Variants in EXOC5 observed in about 807,000 individuals in gnomAD.
EXOC5 encodes exocyst complex component 5, also known as SEC10-like 1.
EXOC5 carries 17 observed loss-of-function variants against 90.8 expected under a neutral mutation model. The observed-to-expected ratio is 0.19, with a 90% CI of 0.13 to 0.28. The LOEUF is 0.28. Among genes scored for constraint, EXOC5 ranks in the 10% least tolerant of loss-of-function variants. The pLI is 1.00. For missense variants in EXOC5, 569 were observed against 830.6 expected (o/e 0.69, Z 3.87); for synonymous variants, 260 against 270.0 (o/e 0.96, Z 0.36).
intron 1 of EXOC5, among the ~76,000 whole-genome samples, chr14:57,260,734 T>C (rs762358456): frequency 6.6e-6 from 1 of 152,194 alleles, no homozygotes; most frequent in Non-Finnish European, 1.5e-5. Context: ...CATCTCATTT[T>C]TATAAATAAA....
At chr14:57,237,483 TC>T (rs1566498530) in intron 5 of EXOC5, 117 bp from the exon 6 acceptor site, 2 of 594,158 alleles carry the variant, frequency 3.4e-6, no homozygotes, top group African/African-American at 3.9e-5. Context: ...ATCTGTACTA[TC>T]TTTGCAACTT....
chr14:57,201,901 G>A lies in EXOC5; in HGVS notation c.*6708C>T, dbSNP rs980277012. 1.3e-5 allele frequency: 2 copies of A among 151,678 alleles called. No individual in the cohort carries two copies. The highest frequency in any genetic ancestry group is 2.9e-5 in the Non-Finnish European group (2 of 67,932). The allele number at this position is 151,678 out of a possible 1,614,324, so 9.4% of individuals were successfully genotyped here. A position where few individuals can be genotyped will look rare whatever the true frequency, so the allele number is the denominator to read the frequency against. On this transcript the variant is annotated 3_prime_UTR_variant, in exon 18 of 18. Coordinates refer to ENST00000621441, the MANE Select transcript of EXOC5 (RefSeq NM_006544.4). The stretch of plus-strand genomic sequence containing the variant: ...CTCTGTCTGCAAATAAATAAATAAG[G>A]GGGACCTATATATGTCTGTATCTAT...
chr14:57,264,560 C>T (rs1022139961), intron 1 of EXOC5, among the ~76,000 whole-genome samples: 4 of 152,092 alleles, frequency 2.6e-5, no homozygotes, highest in African/African-American at 9.7e-5. Context: ...AATTAAACCC[C>T]GATTTACCTT....
chr14:57,243,047 G>T (rs1883919397), intron 4 of EXOC5, among the ~76,000 whole-genome samples: 1 of 152,198 alleles, frequency 6.6e-6, no homozygotes, highest in African/African-American at 2.4e-5. Context: ...GCTAAGCTAT[G>T]AGGACACAAA....
At chr14:57,263,835 TA>T (rs754451441) in intron 1 of EXOC5, among the ~76,000 whole-genome samples, 1 of 149,368 alleles carries the variant, frequency 6.7e-6, no homozygotes, top group South Asian at 2.1e-4. Flanking sequence ...ATTCTTAAAA[TA>T]TGCACATACA....
intron 13 of EXOC5, among the ~76,000 whole-genome samples, chr14:57,221,828 T>C (rs189852112): frequency 2.1e-4 from 32 of 152,272 alleles, no homozygotes; most frequent in Non-Finnish European, 4.3e-4. Flanking sequence ...ACAGGTGAAG[T>C]AGACAACTGA....
chr14:57,253,639 T>C (rs975898844), intron 1 of EXOC5, among the ~76,000 whole-genome samples: 1 of 152,110 alleles, frequency 6.6e-6, no homozygotes, highest in African/African-American at 2.4e-5. Flanking sequence ...AGACAGTATA[T>C]GGTACTGGCA....
At position 57,235,741 on chromosome 14, in the gene EXOC5, T is replaced by C. The variant is rs1165338843; in HGVS notation, c.639A>G (p.Arg213=). ...AQRRGEISRM[R]EVAAVLLHFK... ...AATGAAGTAAAACTGCTGCTACTTCTCTCATTCTGGAGATTTCACCTCTTC... is the reference window on the plus strand; with the variant it reads ...AATGAAGTAAAACTGCTGCTACTTCCCTCATTCTGGAGATTTCACCTCTTC... Residue 213 remains arginine, a synonymous_variant, in exon 7 of 18, where the codon AGA becomes AGG. Coordinates refer to ENST00000621441, the MANE Select transcript of EXOC5 (RefSeq NM_006544.4). 6.5e-7 allele frequency: 1 copy of C among 1,549,634 alleles called. No homozygotes were observed. The highest frequency in any genetic ancestry group is 8.8e-7 in the Non-Finnish European group (1 of 1,142,062).
chr14:57,254,064 T>C (rs1884271553), intron 1 of EXOC5, among the ~76,000 whole-genome samples: 1 of 152,074 alleles, frequency 6.6e-6, no homozygotes, highest in African/African-American at 2.4e-5. Context: ...AAACAAGTAA[T>C]CCAATTCAAA....
intron 3 of EXOC5, among the ~76,000 whole-genome samples, chr14:57,245,892 AC>A (rs1417288092): frequency 6.6e-6 from 1 of 152,134 alleles, no homozygotes; most frequent in Non-Finnish European, 1.5e-5. Context: ...TACTAAAAAT[AC>A]AAAAAAATTA....
chr14:57,261,021 A>C (rs1884488657), intron 1 of EXOC5, among the ~76,000 whole-genome samples: 1 of 152,240 alleles, frequency 6.6e-6, no homozygotes. Flanking sequence ...AACTTGAATA[A>C]GCAAAGATAT....
Position 57,201,906 on chromosome 14 carries a change from C to A in EXOC5, c.*6703G>T, listed in dbSNP as rs1882520273. The A allele has an allele frequency of 6.6e-6, 1 of 151,562 alleles. No homozygotes were observed. The highest frequency in any genetic ancestry group is 1.5e-5 in the Non-Finnish European group (1 of 67,944). The allele number at this position is 151,562 out of a possible 1,614,324, so 9.4% of individuals were successfully genotyped here. On this transcript the variant is annotated 3_prime_UTR_variant, in exon 18 of 18. Transcript: ENST00000621441. Reference sequence around the variant, plus strand: ...TCTGCAAATAAATAAATAAGGGGGACCTATATATGTCTGTATCTATTAATA... The same window carrying A: ...TCTGCAAATAAATAAATAAGGGGGAACTATATATGTCTGTATCTATTAATA...
intron 1 of EXOC5, among the ~76,000 whole-genome samples, chr14:57,263,399 G>A (rs1441998941): frequency 6.6e-6 from 1 of 152,058 alleles, no homozygotes; most frequent in Non-Finnish European, 1.5e-5. Context: ...TTGCCTAGGA[G>A]GTCGACGCTG....
At chr14:57,215,425 T>C (rs1163338013) in intron 15 of EXOC5, among the ~76,000 whole-genome samples, 1 of 132,846 alleles carries the variant, frequency 7.5e-6, no homozygotes. Flanking sequence ...AAAAAAAAAA[T>C]AGCAAACTGA....
At chr14:57,266,000 A>C (rs1264070874) in intron 1 of EXOC5, among the ~76,000 whole-genome samples, 1 of 152,232 alleles carries the variant, frequency 6.6e-6, no homozygotes, top group Non-Finnish European at 1.5e-5. Flanking sequence ...TGATTTTGTT[A>C]TATGAAGTTG....
At chr14:57,240,133 T>C (rs1883813248) in intron 4 of EXOC5, among the ~76,000 whole-genome samples, 1 of 152,104 alleles carries the variant, frequency 6.6e-6, no homozygotes, top group South Asian at 2.1e-4. Context: ...ACACTTGTTC[T>C]AAAAGAAAAT....
Position 57,208,536 on chromosome 14 carries a change from A to G in EXOC5, c.*73T>C. ...TAAGGTATCTCCTGTGCTTTCTATC[A>G]ACCGAGGGCTGCTGAAGTATAAGAC... is the stretch of plus-strand genomic sequence containing the variant. On this transcript the variant is annotated 3_prime_UTR_variant, in exon 18 of 18. Coordinates refer to ENST00000621441, the MANE Select transcript of EXOC5 (RefSeq NM_006544.4). The G allele has an allele frequency of 9.0e-7, 1 of 1,108,606 alleles. No homozygotes were observed. Among genetic ancestry groups the G allele is most frequent in the South Asian group, 1.6e-5 (1 of 60,826 alleles). 68.7% of individuals were successfully genotyped at this position (1,108,606 alleles called of 1,614,324 possible). A position where few individuals can be genotyped will look rare whatever the true frequency, so the allele number is the denominator to read the frequency against.
chr14:57,242,586 G>A (rs1883902450), intron 4 of EXOC5, among the ~76,000 whole-genome samples: 3 of 152,038 alleles, frequency 2.0e-5, no homozygotes, highest in African/African-American at 7.2e-5. Flanking sequence ...AAATGACTAG[G>A]GGGAAAGAAG....
chr14:57,259,367 C>T (rs764280866), intron 1 of EXOC5, among the ~76,000 whole-genome samples: 6 of 152,156 alleles, frequency 3.9e-5, no homozygotes, highest in Admixed American at 6.5e-5. Flanking sequence ...TGGAAATGCT[C>T]GGATTACAGG....
Sources: allele counts gnomAD v4.1 joint callset (sites outside exome capture counted in the v4.1 genomes callset), GRCh38; gene constraint gnomAD v4.1.1; transcripts MANE v1.5; gene names NCBI Gene and HGNC (gene_info 2026-07-23, HGNC 2026-07-21).